HTT: variants seen among roughly 807,000 people sequenced by gnomAD.
HTT encodes huntingtin, also known as huntington disease protein.
In HTT, 104 loss-of-function variants were observed where a neutral mutation model predicts 362.3. The ratio of observed to expected loss-of-function variants is 0.29; its 90% CI spans 0.24 to 0.34. HTT has a LOEUF of 0.34. HTT is among the 10% of genes least tolerant of loss of function. HTT has a pLI of 1.00. For synonymous variants in HTT, 1,577 were observed against 1,548.7 expected (o/e 1.02, Z -0.43); for missense variants, 3,301 against 3,928.6 (o/e 0.84, Z 4.27).
intron 14 of HTT, 84 bp from the exon 15 acceptor site, chr4:3,131,202 G>A: frequency 9.4e-7 from 1 of 1,064,474 alleles, no homozygotes; most frequent in Non-Finnish European, 1.5e-6. Flanking sequence ...CTTAAGTGCT[G>A]CTCTGGAACT....
At chr4:3,108,194 C>T (rs1025274829) in intron 6 of HTT, among the ~76,000 whole-genome samples, 1 of 152,168 alleles carries the variant, frequency 6.6e-6, no homozygotes, top group Non-Finnish European at 1.5e-5. Context: ...TAGTCACCCA[C>T]GGGAAGGGCT....
chr4:3,186,566 G>A (rs769578130), intron 37 of HTT, 31 bp from the exon 38 acceptor site: 12 of 1,603,820 alleles, frequency 7.5e-6, no homozygotes, highest in Non-Finnish European at 1.0e-5. Context: ...TTTGGCTTAC[G>A]TAGAAATGTT....
chr4:3,180,679 G>A (rs200736126), intron 36 of HTT, 28 bp downstream of exon 36: 5 of 1,600,766 alleles, frequency 3.1e-6, no homozygotes, highest in East Asian at 2.3e-5. Flanking sequence ...TGGAACTGTC[G>A]TGGATACTTT....
At chr4:3,097,035 C>CT (rs759722413) in intron 2 of HTT, among the ~76,000 whole-genome samples, 3 of 152,072 alleles carry the variant, frequency 2.0e-5, no homozygotes, top group Non-Finnish European at 4.4e-5. Context: ...GGGAGGATTG[C>CT]TTGAGTCTGG....
At chr4:3,136,159 AAATATCTTACCT>A in intron 20 of HTT, 55 bp from the exon 21 acceptor site, 1 of 1,179,718 alleles carries the variant, frequency 8.5e-7, no homozygotes. Flanking sequence ...TAGCTTTCCA[AAATATCTTACCT>A]AAAATTTAGT....
chr4:3,128,677 A>G (rs1449904894), intron 12 of HTT: 3 of 152,250 alleles, frequency 2.0e-5, no homozygotes, highest in African/African-American at 7.2e-5. Flanking sequence ...GTTAGTGGAC[A>G]AAAAACCCTC....
At position 3,225,722 on chromosome 4, in the gene HTT, C is replaced by T. The variant is rs768994882; in HGVS notation, c.7827C>T (p.Ser2609=). ...TCAACCCCGAGCGGGAGCTGGGGAG[C>T]ATGAGCTACAAACTCGGCCAGGTCA... The part of the protein sequence containing the change: ...LQINPERELG[S]MSYKLGQVSI... Residue 2609 remains serine (S), a synonymous_variant, in exon 57 of 67, where the codon AGC becomes AGT. Coordinates refer to ENST00000355072, the MANE Select transcript of HTT (RefSeq NM_001388492.1). 1.2e-6 allele frequency: 2 copies of T among 1,613,904 alleles called. No homozygotes were observed. Among genetic ancestry groups the T allele is most frequent in the South Asian group, 1.1e-5 (1 of 91,078 alleles).
intron 52 of HTT, among the ~76,000 whole-genome samples, chr4:3,219,894 C>CT (rs918361500): frequency 6.4e-4 from 97 of 152,332 alleles, no homozygotes; most frequent in African/African-American, 2.1e-3. Context: ...GGTGCTGTCT[C>CT]TAACTCCTGC....
intron 4 of HTT, 105 bp from the exon 5 acceptor site, chr4:3,105,252 C>A: frequency 1.3e-6 from 1 of 761,492 alleles, no homozygotes; most frequent in African/African-American, 1.7e-5. Context: ...ATGGCCTTTT[C>A]TCTAAAATTA....
chr4:3,102,012 G>C (rs1236523527), intron 3 of HTT, among the ~76,000 whole-genome samples: 1 of 152,222 alleles, frequency 6.6e-6, no homozygotes, highest in East Asian at 1.9e-4. Context: ...ATGAGGGTCA[G>C]GTCAAGGGGT....
intron 29 of HTT, among the ~76,000 whole-genome samples, chr4:3,166,674 G>A (rs1201859366): frequency 6.6e-6 from 1 of 152,238 alleles, no homozygotes; most frequent in African/African-American, 2.4e-5. Flanking sequence ...CCAAGCTCCT[G>A]CATCCCAGGT....
chr4:3,129,935 T>C lies in HTT; in HGVS notation c.1755T>C (p.Gly585=), dbSNP rs749896203. 6.2e-7 allele frequency: 1 copy of C among 1,614,080 alleles called. No homozygotes were observed. The highest frequency in any genetic ancestry group is 1.7e-5 in the Admixed American group (1 of 60,010). The change falls in exon 13 of 67, where the codon GGT becomes GGC. Residue 585 remains glycine (G), a synonymous_variant. Coordinates refer to ENST00000355072, the MANE Select transcript of HTT (RefSeq NM_001388492.1). ...CTTGAACCGTTTAGGTGTTAGACGG[T>C]ACCGACAACCAGTATTTGGGCCTGC... ...PSDSSEIVLD[G]TDNQYLGLQI...
chr4:3,082,738 A>T (rs1180384984), intron 1 of HTT, among the ~76,000 whole-genome samples: 1 of 152,172 alleles, frequency 6.6e-6, no homozygotes, highest in Non-Finnish European at 1.5e-5. Flanking sequence ...TGTGTTGCTC[A>T]TATGTGTCCA....
At chr4:3,217,003 C>A (rs1035053238) in intron 51 of HTT, among the ~76,000 whole-genome samples, 1 of 148,876 alleles carries the variant, frequency 6.7e-6, no homozygotes, top group Non-Finnish European at 1.5e-5. Flanking sequence ...CCAGCCTGGG[C>A]GACAGAGCAA....
rs754846910 is a variant in HTT at position 3,116,048 on chromosome 4, A to G, written c.890-37A>G. 5.8e-6 allele frequency: 9 copies of G among 1,561,468 alleles called. No homozygotes were observed. The Admixed American group carries it at 1.3e-4, about 23-fold the overall frequency. On this transcript the variant is annotated intron_variant, in intron 7 of 66. Transcript: ENST00000355072. ...TTAAGCCGGGAATCTCCAAACAGTG[A>G]GTCAGATGTTAAGATGTCTTGCTTC...
chr4:3,188,676 G>A (rs1012271131), intron 39 of HTT: 2 of 267,154 alleles, frequency 7.5e-6, no homozygotes, highest in African/African-American at 4.5e-5. Flanking sequence ...TTAAATTCCT[G>A]TGACAGATGA....
intron 44 of HTT, 129 bp from the exon 45 acceptor site, chr4:3,207,152 C>G (rs969138732): frequency 4.7e-6 from 5 of 1,054,876 alleles, no homozygotes; most frequent in Admixed American, 2.2e-5. Context: ...CTGACTGTTT[C>G]TTGTATTTTT....
At chr4:3,119,856 G>T (rs754177531) in intron 8 of HTT, among the ~76,000 whole-genome samples, 1 of 152,100 alleles carries the variant, frequency 6.6e-6, no homozygotes, top group Non-Finnish European at 1.5e-5. Context: ...CGTAGAGCAG[G>T]TACCCAAAAA....
Position 3,212,057 on chromosome 4 carries a change from G to A in HTT, c.6543G>A (p.Gln2181=), listed in dbSNP as rs780122035. The stretch of plus-strand genomic sequence containing the variant: ...TGGCCCGTGTGAGCGGCACCGTGCA[G>A]CAGCTCCCTGCTGTCCATCATGTCT... ...VTLARVSGTV[Q]QLPAVHHVFQ... is the part of the protein sequence containing the mutation. The change falls in exon 48 of 67, where the codon CAG becomes CAA. Residue 2181 remains glutamine (Q), a synonymous_variant. Transcript: ENST00000355072. The A allele has an allele frequency of 1.2e-5, 19 of 1,614,230 alleles. No homozygotes were observed. Among genetic ancestry groups the A allele is most frequent in the Non-Finnish European group, 1.5e-5 (18 of 1,180,048 alleles).
Sources: allele counts gnomAD v4.1 joint callset (sites outside exome capture counted in the v4.1 genomes callset), GRCh38; gene constraint gnomAD v4.1.1; transcripts MANE v1.5; gene names NCBI Gene and HGNC (gene_info 2026-07-23, HGNC 2026-07-21).